The following ATM variants were observed in gnomAD, a reference collection of about 807,000 sequenced individuals.
The protein encoded by ATM is ATM serine/threonine kinase.
Under a neutral mutation model 387.0 loss-of-function variants are expected in ATM, and 308 were observed. The ratio of observed to expected loss-of-function variants is 0.80; its 90% CI spans 0.73 to 0.87. ATM has a LOEUF of 0.87. Among genes scored for constraint, ATM ranks in the 40% least tolerant of loss-of-function variants. ATM has a pLI of 0.00. For synonymous variants in ATM, 1,156 were observed against 1,187.3 expected (o/e 0.97, Z 0.54); for missense variants, 3,312 against 3,560.9 (o/e 0.93, Z 1.78).
At chr11:108,291,062 C>T (rs890672972) in intron 29 of ATM, among the ~76,000 whole-genome samples, 2 of 151,818 alleles carry the variant, frequency 1.3e-5, no homozygotes, top group Admixed American at 6.6e-5. Flanking sequence ...AGTGAAACCC[C>T]GTGTCTACTA....
intron 1 of ATM, chr11:108,227,177 G>T (rs907585706): frequency 1.0e-4 from 16 of 160,732 alleles, no homozygotes; most frequent in African/African-American, 2.9e-4. Context: ...ACCAAGCCCG[G>T]CTAATTTTTG....
At chr11:108,275,300 T>C (rs571300975) in intron 22 of ATM, among the ~76,000 whole-genome samples, 4 of 152,350 alleles carry the variant, frequency 2.6e-5, no homozygotes, top group Admixed American at 2.6e-4. Context: ...CTGATGGGTC[T>C]TGACTCTTTA....
rs1555059132 is a variant in ATM, at chr11:108,235,709, T to C, written c.371T>C (p.Ile124Thr). The C allele has an allele frequency of 6.2e-7, 1 of 1,612,140 alleles. No homozygotes were observed. The highest frequency in any genetic ancestry group is 8.5e-7 in the Non-Finnish European group (1 of 1,178,390). Residue 124 changes from isoleucine (I) to threonine (T), a missense_variant, in exon 5 of 63, where the codon ATC (isoleucine) becomes ACC (threonine). Ile to Thr is a moderately conservative substitution (Grantham distance 89). Coordinates refer to ENST00000675843, the MANE Select transcript of ATM (RefSeq NM_000051.4). ...AAATGTCAAGAACTCTTAAATTATA[T>C]CATGGATACAGTGAAAGATTCATCT... ...RLKCQELLNY[I>T]MDTVKDSSNG...
chr11:108,310,323 A>C lies in ATM; in HGVS notation c.5918+8A>C, dbSNP rs1401825950. On this transcript the variant is annotated splice_region_variant and intron_variant, in intron 39 of 62. Transcript: ENST00000675843. ...GGATGATCAAGAGAAAAGGTAATGG[A>C]ATTTAGAATTTTTGGTTTTTAAAAT... 14 of 1,611,458 alleles carry C rather than the reference A, an allele frequency of 8.7e-6. No individual in the cohort carries two copies. Among genetic ancestry groups the C allele is most frequent in the African/African-American group, 1.3e-5 (1 of 74,862 alleles).
intron 18 of ATM, among the ~76,000 whole-genome samples, chr11:108,270,309 A>T (rs978159506): frequency 6.6e-6 from 1 of 152,214 alleles, no homozygotes; most frequent in African/African-American, 2.4e-5. Context: ...AATAGTTTTC[A>T]ACCACTGGTC....
chr11:108,335,058 A>G lies in ATM; in HGVS notation c.8100A>G (p.Lys2700=), dbSNP rs778601472. ...FRLAGGVNLP[K]IIDCVGSDGK... is the part of the protein sequence containing the mutation. Reference sequence around the variant, plus strand: ...TAGCAGGAGGTGTAAATTTACCAAAAATAATAGATTGTGTAGGTTCCGATG... The same window carrying G: ...TAGCAGGAGGTGTAAATTTACCAAAGATAATAGATTGTGTAGGTTCCGATG... Residue 2700 remains lysine (K), a synonymous_variant, in exon 55 of 63, where the codon AAA becomes AAG. Coordinates refer to ENST00000675843, the MANE Select transcript of ATM (RefSeq NM_000051.4). 42 of 1,613,992 alleles carry G rather than the reference A, an allele frequency of 2.6e-5. No individual in the cohort carries two copies. The Admixed American group carries it at 6.8e-4, about 26-fold the overall frequency.
chr11:108,229,076 G>A (rs1260467065), intron 3 of ATM, 102 bp from the exon 4 acceptor site: 16 of 1,170,022 alleles, frequency 1.4e-5, no homozygotes, highest in Non-Finnish European at 1.8e-5. Flanking sequence ...TCTAAGCAAG[G>A]TGGTTTAAAA....
chr11:108,238,064 T>G (rs2079381542), intron 5 of ATM, among the ~76,000 whole-genome samples: 1 of 151,872 alleles, frequency 6.6e-6, no homozygotes, highest in South Asian at 2.1e-4. Context: ...GTAGCTGGGA[T>G]TACAGGCATG....
chr11:108,295,305 T>G, intron 32 of ATM: 1 of 435,212 alleles, frequency 2.3e-6, no homozygotes. Context: ...GTTTTTCTAC[T>G]GCCTAAATTT....
At chr11:108,341,477 ACT>A (rs1363321123) in intron 56 of ATM, among the ~76,000 whole-genome samples, 2 of 151,848 alleles carry the variant, frequency 1.3e-5, no homozygotes, top group African/African-American at 4.8e-5. Flanking sequence ...CCTTTTTCCC[ACT>A]CTGTTCTCAG....
chr11:108,263,083 G>A lies in ATM; in HGVS notation c.2466+4008G>A, dbSNP rs1160868952. On this transcript the variant is annotated intron_variant, in intron 16 of 62. Transcript: ENST00000675843. ...CAACATTAGACAGATCAACGAGACAGAAAGTCAACAAGTATACCCAGGAAT... is the reference window on the plus strand; with the variant it reads ...CAACATTAGACAGATCAACGAGACAAAAAGTCAACAAGTATACCCAGGAAT... 4.0e-5 allele frequency among the ~76,000 whole-genome samples: 6 copies of A among 151,652 alleles called. No individual in the cohort carries two copies. In the East Asian group the frequency reaches 5.8e-4, roughly 15 times the overall value.
chr11:108,331,110 A>G, intron 50 of ATM: 1 of 1,004,784 alleles, frequency 1.0e-6, no homozygotes, highest in Non-Finnish European at 1.2e-6. Flanking sequence ...ATTTTATTGT[A>G]CACTGACTTC....
At chr11:108,245,417 T>C (rs2079797774) in intron 7 of ATM, among the ~76,000 whole-genome samples, 1 of 152,158 alleles carries the variant, frequency 6.6e-6, no homozygotes, top group Admixed American at 6.5e-5. Context: ...AATACGTAAA[T>C]TGGACTAAAA....
In ATM at chr11:108,320,009, C is replaced by CTT. The variant is rs587782554; in HGVS notation, c.6404_6405insTT (p.Arg2136Ter). 17 of 1,612,378 alleles carry CTT rather than the reference C, an allele frequency of 1.1e-5. No individual in the cohort carries two copies. Among genetic ancestry groups the CTT allele is most frequent in the Non-Finnish European group, 1.4e-5 (16 of 1,178,720 alleles). On this transcript the variant is annotated frameshift_variant, in exon 44 of 63. Coordinates refer to ENST00000675843, the MANE Select transcript of ATM (RefSeq NM_000051.4). LOFTEE classifies it high-confidence loss of function. Reference sequence around the variant, plus strand: ...ATCATTGTACAATGCTCTACAATCTCTAAGAGACAGAGAATTCTCTACATT... The same window carrying CTT: ...ATCATTGTACAATGCTCTACAATCTCTTTAAGAGACAGAGAATTCTCTACATT...
intron 5 of ATM, among the ~76,000 whole-genome samples, chr11:108,239,553 G>T (rs1345176464): frequency 6.6e-6 from 1 of 152,148 alleles, no homozygotes; most frequent in Non-Finnish European, 1.5e-5. Context: ...TCCATTGGTG[G>T]ACATGGGTTG....
At position 108,259,012 on chromosome 11, in the gene ATM, C is replaced by T. The variant is rs1264455310; in HGVS notation, c.2403C>T (p.Gly801=). The change falls in exon 16 of 63, where the codon GGC becomes GGT. Residue 801 remains glycine (G), a synonymous_variant. Transcript: ENST00000675843. ...TKKSPNKIAS[G]FFLRLLTSKL... ...AGAGTCCAAATAAGATTGCATCTGGCTTTTTCCTGCGATTGTTAACATCAA... is the reference window on the plus strand; with the variant it reads ...AGAGTCCAAATAAGATTGCATCTGGTTTTTTCCTGCGATTGTTAACATCAA... The T allele has an allele frequency of 1.2e-6, 2 of 1,613,788 alleles. No homozygotes were observed. The highest frequency in any genetic ancestry group is 1.7e-6 in the Non-Finnish European group (2 of 1,179,924).
rs775921052 is a variant in ATM, at chr11:108,312,491, G to A, written c.5999G>A (p.Ser2000Asn). The A allele has an allele frequency of 3.2e-6, 5 of 1,561,198 alleles. No individual in the cohort carries two copies. The highest frequency in any genetic ancestry group is 1.4e-5 in the African/African-American group (1 of 73,800). ...AAAAGTAAAGAAGAAACTGGAATAAGTTTACAGGTAAATATTAGAGGCTCT... is the reference window on the plus strand; with the variant it reads ...AAAAGTAAAGAAGAAACTGGAATAAATTTACAGGTAAATATTAGAGGCTCT... ...SEKSKEETGI[S>N]LQDLLLEIYR... is the part of the protein sequence containing the mutation. The change falls in exon 40 of 63, where the codon AGT (serine) becomes AAT (asparagine). Residue 2000 changes from serine to asparagine, a missense_variant. Ser to Asn is a conservative substitution (Grantham distance 46). This residue lies in a region of ATM where 1,405 missense variants were observed against 1,604.4 expected (regional missense o/e 0.88). Transcript: ENST00000675843.
chr11:108,330,048 A>G (rs1454353219), intron 49 of ATM, among the ~76,000 whole-genome samples, 166 bp from the exon 50 acceptor site: 1 of 152,252 alleles, frequency 6.6e-6, no homozygotes, highest in Non-Finnish European at 1.5e-5. Context: ...TGAATTGCAC[A>G]GTTAAGACAA....
chr11:108,241,422 G>A (rs912536542), intron 5 of ATM, among the ~76,000 whole-genome samples: 57 of 152,264 alleles, frequency 3.7e-4, no homozygotes, highest in Middle Eastern at 3.4e-3. Context: ...ATACATGATT[G>A]TATGTATTAT....
Sources: gnomAD v4.1 joint callset for allele counts (sites outside exome capture counted in the v4.1 genomes callset) on GRCh38, gnomAD v4.1.1 for gene constraint, gnomAD v4.1.1 regional missense constraint, MANE v1.5 for transcripts, NCBI Gene and HGNC (gene_info 2026-07-23, HGNC 2026-07-21) for gene names.